ARHGAP42: variants seen among roughly 807,000 people sequenced by gnomAD.
ARHGAP42 encodes the protein rho GTPase-activating protein 42.
A neutral mutation model predicts 125.0 loss-of-function variants in ARHGAP42; 63 were observed. The ratio of observed to expected loss-of-function variants is 0.50; its 90% CI spans 0.41 to 0.62. The LOEUF (loss-of-function observed/expected upper bound fraction) is 0.62, where lower values mean the gene tolerates loss of function less well. ARHGAP42 is among the 20% of genes least tolerant of loss of function. The pLI, the probability that ARHGAP42 is intolerant of heterozygous loss-of-function variation, is 0.00. For synonymous variants in ARHGAP42, 339 were observed against 351.0 expected (o/e 0.97, Z 0.38); for missense variants, 766 against 1,024.2 (o/e 0.75, Z 3.44).
chr11:100,952,668 T>C (rs2135286986), intron 12 of ARHGAP42, among the ~76,000 whole-genome samples: 1 of 151,830 alleles, frequency 6.6e-6, no homozygotes, highest in South Asian at 2.1e-4. Context: ...GGACTCACTT[T>C]CCAGAATTTA....
At chr11:100,734,184 C>A (rs371203069) in intron 1 of ARHGAP42, among the ~76,000 whole-genome samples, 1 of 151,686 alleles carries the variant, frequency 6.6e-6, no homozygotes, top group Non-Finnish European at 1.5e-5. Flanking sequence ...CCGCCCACCT[C>A]GGCCTCCCAA....
At chr11:100,812,284 A>G (rs1565224741) in intron 3 of ARHGAP42, among the ~76,000 whole-genome samples, 1 of 152,202 alleles carries the variant, frequency 6.6e-6, no homozygotes, top group Non-Finnish European at 1.5e-5. Context: ...TACAAAACAG[A>G]CGAAATTTAT....
intron 1 of ARHGAP42, among the ~76,000 whole-genome samples, chr11:100,692,969 G>A (rs1446004725): frequency 6.6e-6 from 1 of 152,126 alleles, no homozygotes; most frequent in Non-Finnish European, 1.5e-5. Context: ...GACTTTGTGT[G>A]TGTGTTCAGG....
At chr11:100,709,558 C>A (rs1861528091) in intron 1 of ARHGAP42, among the ~76,000 whole-genome samples, 1 of 152,004 alleles carries the variant, frequency 6.6e-6, no homozygotes, top group South Asian at 2.1e-4. Context: ...TTTAATATTT[C>A]AGACCTCAGT....
chr11:100,984,766 A>G (rs191841260), intron 22 of ARHGAP42, among the ~76,000 whole-genome samples: 1 of 152,116 alleles, frequency 6.6e-6, no homozygotes, highest in Non-Finnish European at 1.5e-5. Flanking sequence ...GATTTTCAAA[A>G]TCTTTTTCAA....
intron 1 of ARHGAP42, among the ~76,000 whole-genome samples, chr11:100,727,608 T>G (rs904857128): frequency 6.6e-6 from 1 of 152,128 alleles, no homozygotes; most frequent in Admixed American, 6.5e-5. Context: ...TCTATACAAT[T>G]CCATGAACTA....
At chr11:100,877,929 C>T (rs910708782) in intron 4 of ARHGAP42, among the ~76,000 whole-genome samples, 5 of 144,986 alleles carry the variant, frequency 3.4e-5, no homozygotes, top group Admixed American at 7.1e-5. Context: ...CACTTGAACT[C>T]GGGAGGCGGA....
chr11:100,863,415 C>A (rs912291456), intron 4 of ARHGAP42, among the ~76,000 whole-genome samples: 39 of 152,276 alleles, frequency 2.6e-4, no homozygotes, highest in African/African-American at 8.7e-4. Flanking sequence ...AATGCTGAGT[C>A]AAAGTGGCCC....
intron 3 of ARHGAP42, among the ~76,000 whole-genome samples, chr11:100,803,877 G>C (rs1231341536): frequency 6.6e-6 from 1 of 152,252 alleles, no homozygotes; most frequent in East Asian, 1.9e-4. Flanking sequence ...ATTTATACCA[G>C]TGAACTTATT....
intron 4 of ARHGAP42, among the ~76,000 whole-genome samples, chr11:100,869,139 A>T (rs1865641805): frequency 6.6e-6 from 1 of 152,042 alleles, no homozygotes; most frequent in African/African-American, 2.4e-5. Flanking sequence ...TGGGGTTCAC[A>T]GGGGTACCTA....
intron 17 of ARHGAP42, among the ~76,000 whole-genome samples, chr11:100,970,279 G>A (rs539103599): frequency 4.6e-5 from 7 of 152,212 alleles, no homozygotes; most frequent in South Asian, 4.1e-4. Context: ...TTGGGTCACC[G>A]TGCCCAGACT....
chr11:100,696,227 AAAAC>A lies in ARHGAP42; in HGVS notation c.154+8407_154+8410del, dbSNP rs573345074. On this transcript the variant is annotated intron_variant, in intron 1 of 23. Transcript: ENST00000298815. Reference sequence around the variant, plus strand: ...ACAACAGAGCAAGACCCTGTGTCAAAAAACAAACAAACAAAAAAACTGGTAACAC... The same window carrying A: ...ACAACAGAGCAAGACCCTGTGTCAAAAAACAAACAAAAAAACTGGTAACAC... Among the ~76,000 whole-genome samples the A allele has an allele frequency of 2.0e-3, 311 of 152,334 alleles. 2 individuals are homozygous for A. Among genetic ancestry groups the A allele is most frequent in the African/African-American group, 7.1e-3 (295 of 41,586 alleles).
At chr11:100,972,837 C>T (rs920543593) in intron 17 of ARHGAP42, among the ~76,000 whole-genome samples, 4 of 152,180 alleles carry the variant, frequency 2.6e-5, no homozygotes, top group Non-Finnish European at 5.9e-5. Context: ...TGCCACCAGT[C>T]TATTCTTAAC....
chr11:100,725,840 CAGG>C (rs1341861617), intron 1 of ARHGAP42, among the ~76,000 whole-genome samples: 3 of 148,992 alleles, frequency 2.0e-5, no homozygotes, highest in South Asian at 2.1e-4. Flanking sequence ...GAGGCTGTGG[CAGG>C]AGAATGGCGC....
intron 12 of ARHGAP42, among the ~76,000 whole-genome samples, chr11:100,958,649 C>CATAT (rs5794086): frequency 3.3e-5 from 5 of 151,362 alleles, no homozygotes; most frequent in African/African-American, 9.7e-5. Context: ...CAGTAGTTTG[C>CATAT]ATATATATTT....
At chr11:100,824,731 C>A (rs904445415) in intron 3 of ARHGAP42, among the ~76,000 whole-genome samples, 2 of 152,288 alleles carry the variant, frequency 1.3e-5, no homozygotes, top group Non-Finnish European at 2.9e-5. Flanking sequence ...GGGTTATAAT[C>A]ATTTCCCTCC....
intron 12 of ARHGAP42, among the ~76,000 whole-genome samples, chr11:100,954,575 T>C (rs979308047): frequency 3.3e-5 from 5 of 152,182 alleles, no homozygotes; most frequent in African/African-American, 1.2e-4. Flanking sequence ...GTTATGAGTG[T>C]TCTTGAGCTT....
At chr11:100,796,189 T>C (rs1863708230) in intron 3 of ARHGAP42, among the ~76,000 whole-genome samples, 2 of 152,214 alleles carry the variant, frequency 1.3e-5, no homozygotes, top group South Asian at 2.1e-4. Context: ...GTTTCAAATT[T>C]TTTCATTAGT....
At chr11:100,846,904 G>A (rs1865080669) in intron 3 of ARHGAP42, among the ~76,000 whole-genome samples, 1 of 152,134 alleles carries the variant, frequency 6.6e-6, no homozygotes, top group Non-Finnish European at 1.5e-5. Flanking sequence ...GAATTTATAA[G>A]TCGTGTTACA....
Sources: gnomAD v4.1 joint callset for allele counts (sites outside exome capture counted in the v4.1 genomes callset) on GRCh38, gnomAD v4.1.1 for gene constraint, MANE v1.5 for transcripts, NCBI Gene and HGNC (gene_info 2026-07-23, HGNC 2026-07-21) for gene names.